The following CCNC variants were observed in gnomAD, a reference collection of about 807,000 sequenced individuals.
The protein encoded by CCNC is cyclin-C.
CCNC carries 19 observed loss-of-function variants against 50.0 expected under a neutral mutation model. That is an observed-to-expected ratio of 0.38 (90% CI 0.27 to 0.56). The LOEUF (loss-of-function observed/expected upper bound fraction) is 0.56. Ranked by LOEUF, CCNC falls within the 20% of genes least tolerant of loss-of-function variation. CCNC has a pLI of 0.72. For missense variants in CCNC, 200 were observed against 327.1 expected (o/e 0.61, Z 3.00); for synonymous variants, 93 against 103.7 (o/e 0.90, Z 0.63).
intron 4 of CCNC, 96 bp from the exon 5 acceptor site, chr6:99,558,644 G>T: frequency 8.7e-7 from 1 of 1,148,518 alleles, no homozygotes; most frequent in Non-Finnish European, 1.2e-6. Flanking sequence ...TTTACAATCT[G>T]TTCACCTTCT....
chr6:99,542,524 A>G lies in CCNC; in HGVS notation c.*1031T>C, dbSNP rs1801922265. On this transcript the variant is annotated 3_prime_UTR_variant, in exon 12 of 12. Transcript: ENST00000520429. Reference sequence around the variant, plus strand: ...TATCCTATGACTCCAAATTTTATTTATCACTCTCCTTCAAGTCTGAAGAAA... The same window carrying G: ...TATCCTATGACTCCAAATTTTATTTGTCACTCTCCTTCAAGTCTGAAGAAA... 6.6e-6 allele frequency: 1 copy of G among 152,628 alleles called. No individual in the cohort carries two copies. The highest frequency in any genetic ancestry group is 2.4e-5 in the African/African-American group (1 of 41,468). 9.5% of individuals were successfully genotyped at this position (152,628 alleles called of 1,614,324 possible).
In CCNC at chr6:99,564,959, G is replaced by T. The variant is rs552437897; in HGVS notation, c.33-2011C>A. ...AAGCAGGGATCCAGCTAAATATGTT[G>T]TCAAATGCTTATCCAAATGTGCTAA... On this transcript the variant is annotated intron_variant, in intron 1 of 11. Transcript: ENST00000520429. Among the ~76,000 whole-genome samples the T allele has an allele frequency of 4.6e-5, 7 of 152,114 alleles. No homozygotes were observed. The South Asian group carries it at 1.5e-3, about 32-fold the overall frequency.
At chr6:99,564,120 T>G (rs1583590740) in intron 1 of CCNC, among the ~76,000 whole-genome samples, 1 of 152,068 alleles carries the variant, frequency 6.6e-6, no homozygotes, top group East Asian at 1.9e-4. Flanking sequence ...AGTTCATGAG[T>G]GAATCTTATA....
rs1006811067 is a variant in CCNC at position 99,545,305 on chromosome 6, A to G, written c.679-75T>C. 1.1e-5 allele frequency: 8 copies of G among 747,348 alleles called. No individual in the cohort carries two copies. In the South Asian group the frequency reaches 1.2e-4, roughly 12 times the overall value. The allele number at this position is 747,348 out of a possible 1,614,324, so 46.3% of individuals were successfully genotyped here. A position where few individuals can be genotyped will look rare whatever the true frequency, so the allele number is the denominator to read the frequency against. On this transcript the variant is annotated intron_variant, in intron 10 of 11. Transcript: ENST00000520429. ...TTTTATATAAAGAGCATACATCACT[A>G]CACAACCCTCAGAAAACAGTAAATA...
intron 2 of CCNC, 77 bp from the exon 3 acceptor site, chr6:99,561,758 G>T: frequency 1.1e-6 from 1 of 893,348 alleles, no homozygotes; most frequent in Non-Finnish European, 1.8e-6. Context: ...TAACTTCCAT[G>T]TGGTTAAATC....
In CCNC at chr6:99,543,252, A is replaced by AT; in HGVS notation, c.*302dup. The AT allele has an allele frequency of 5.0e-6, 1 of 201,148 alleles. No homozygotes were observed. Among genetic ancestry groups the AT allele is most frequent in the Non-Finnish European group, 1.0e-5 (1 of 100,444 alleles). 12.5% of individuals were successfully genotyped at this position (201,148 alleles called of 1,614,324 possible). A position where few individuals can be genotyped will look rare whatever the true frequency, so the allele number is the denominator to read the frequency against. ...TTTCCTGGCTTAATAAAAAGCTACA[A>AT]TTTTTATTATCCAAATTAAGAAATA... is the stretch of plus-strand genomic sequence containing the variant. On this transcript the variant is annotated 3_prime_UTR_variant, in exon 12 of 12. Coordinates refer to ENST00000520429, the MANE Select transcript of CCNC (RefSeq NM_005190.4).
rs1802640621 is a variant in CCNC at position 99,558,506 on chromosome 6, TAGC to T, written c.334_336del (p.Ala112del). 6.2e-7 allele frequency: 1 copy of T among 1,610,512 alleles called. No individual in the cohort carries two copies. Among genetic ancestry groups the T allele is most frequent in the African/African-American group, 1.3e-5 (1 of 74,728 alleles). On this transcript the variant is annotated inframe_deletion, in exon 5 of 12. Coordinates refer to ENST00000520429, the MANE Select transcript of CCNC (RefSeq NM_005190.4). ...TACTTTTTGCACTTACATACAGAAG[TAGC>T]AGCAGCAATCAATCTTGTATTTGAA...
chr6:99,544,371 T>C (rs1801990082), intron 11 of CCNC: 4 of 1,012,402 alleles, frequency 4.0e-6, no homozygotes, highest in Admixed American at 2.4e-5. Context: ...CATTAACTTA[T>C]GAGTAGCAAT....
At chr6:99,543,940 C>A in intron 11 of CCNC, 1 of 1,228,908 alleles carries the variant, frequency 8.1e-7, no homozygotes, top group Non-Finnish European at 1.0e-6. Context: ...TTCTTCTAAA[C>A]AAATTTCCTA....
chr6:99,544,113 C>A, intron 11 of CCNC: 2 of 1,419,218 alleles, frequency 1.4e-6, no homozygotes, highest in South Asian at 1.5e-5. Context: ...TGGTAATTTC[C>A]TGGAAAATGC....
chr6:99,568,662 G>C, upstream of CCNC: 1 of 1,520,222 alleles, frequency 6.6e-7, no homozygotes, highest in East Asian at 2.5e-5. Context: ...GGCGGCGACG[G>C]CGAAAGGAAG....
chr6:99,543,987 T>C, intron 11 of CCNC: 1 of 1,217,288 alleles, frequency 8.2e-7, no homozygotes, highest in Non-Finnish European at 1.0e-6. Flanking sequence ...CTATTCCTAC[T>C]ATTTATGAAA....
At chr6:99,552,599 G>A (rs1239538688) in intron 5 of CCNC, among the ~76,000 whole-genome samples, 1 of 152,058 alleles carries the variant, frequency 6.6e-6, no homozygotes, top group Admixed American at 6.6e-5. Flanking sequence ...AATGGTGTGA[G>A]CATATACACA....
chr6:99,568,751 G>A, upstream of CCNC: 1 of 1,380,158 alleles, frequency 7.2e-7, no homozygotes, highest in Non-Finnish European at 9.4e-7. Context: ...AAAAGTTCCG[G>A]CCCGCGGTAG....
intron 7 of CCNC, 145 bp from the exon 8 acceptor site, chr6:99,550,454 C>T: frequency 1.6e-6 from 1 of 619,220 alleles, no homozygotes; most frequent in Non-Finnish European, 2.8e-6. Flanking sequence ...TTCTCTTAAG[C>T]TAGCAGTATG....
chr6:99,547,542 G>A (rs911630214), intron 9 of CCNC, among the ~76,000 whole-genome samples: 1 of 152,008 alleles, frequency 6.6e-6, no homozygotes, highest in African/African-American at 2.4e-5. Context: ...ATTGGGAGAC[G>A]AATTTGGCTA....
chr6:99,556,296 T>G (rs75184159), intron 5 of CCNC, among the ~76,000 whole-genome samples: 171 of 152,358 alleles, frequency 1.1e-3, no homozygotes, highest in African/African-American at 3.9e-3. Context: ...ACTTTCTATC[T>G]TTATTAATTT....
At position 99,550,264 on chromosome 6, in the gene CCNC, A is replaced by C; in HGVS notation, c.484T>G (p.Tyr162Asp). The change falls in exon 8 of 12, where the codon TAT becomes GAT. Residue 162 changes from tyrosine (Y) to aspartate (D), a missense_variant. Physicochemically the swap from Tyr to Asp is radical, Grantham distance 160. Coordinates refer to ENST00000520429, the MANE Select transcript of CCNC (RefSeq NM_005190.4). ...VYHPYRPLLQ[Y>D]VQDMGQEDML... The stretch of plus-strand genomic sequence containing the variant: ...TCTTCTTGGCCCATGTCCTGCACAT[A>C]CTGGAGCAAAGGTCTATAAGGATGA... 1 of 1,613,284 alleles carries C rather than the reference A, an allele frequency of 6.2e-7. No individual in the cohort carries two copies. Among genetic ancestry groups the C allele is most frequent in the Non-Finnish European group, 8.5e-7 (1 of 1,179,512 alleles).
chr6:99,564,731 A>C (rs149264573), intron 1 of CCNC, among the ~76,000 whole-genome samples: 258 of 152,220 alleles, frequency 1.7e-3, no homozygotes, highest in African/African-American at 6.0e-3. Flanking sequence ...CCCAAGTTTA[A>C]ATATCTCTCA....
Sources: gnomAD v4.1 joint callset for allele counts (sites outside exome capture counted in the v4.1 genomes callset) on GRCh38, gnomAD v4.1.1 for gene constraint, MANE v1.5 for transcripts, NCBI Gene and HGNC (gene_info 2026-07-23, HGNC 2026-07-21) for gene names.